Variants in LMAN2L observed in about 807,000 individuals in gnomAD.
LMAN2L encodes lectin, mannose binding 2 like.
In LMAN2L, 30 loss-of-function variants were observed where a neutral mutation model predicts 44.3. The observed-to-expected ratio is 0.68, with a 90% CI of 0.51 to 0.92. The LOEUF is 0.92. LMAN2L is among the 40% of genes least tolerant of loss of function. The pLI is 0.00. For missense variants in LMAN2L, 429 were observed against 446.1 expected, an observed-to-expected ratio of 0.96 and a Z score of 0.35; for synonymous variants, 183 against 171.1, an observed-to-expected ratio of 1.07 and a Z score of -0.54.
At chr2:96,734,686 AT>A in intron 2 of LMAN2L, 160 bp from the exon 3 acceptor site, 1 of 608,908 alleles carries the variant, frequency 1.6e-6, no homozygotes, top group South Asian at 2.0e-5. Flanking sequence ...ATGTCATAAA[AT>A]TAAACGGATT....
chr2:96,733,236 T>C lies in LMAN2L; in HGVS notation c.507+283A>G, dbSNP rs966779997. Among the ~76,000 whole-genome samples the C allele has an allele frequency of 1.4e-4, 21 of 152,124 alleles. 1 individual carries two copies. The highest frequency in any genetic ancestry group is 2.9e-4 in the Non-Finnish European group (20 of 68,018). On this transcript the variant is annotated intron_variant, in intron 4 of 7. Transcript: ENST00000264963. ...GCTGGTCTAGCAGCCAAATCACCAA[T>C]CAACCAAACATGCTCAATTTTAGTG...
At chr2:96,711,827 C>G in intron 5 of LMAN2L, 37 bp downstream of exon 5, 2 of 1,613,236 alleles carry the variant, frequency 1.2e-6, no homozygotes, top group South Asian at 1.1e-5. Context: ...AGCGACACAG[C>G]CCACACCACC....
In LMAN2L at chr2:96,738,004, T is replaced by C; in HGVS notation, c.251A>G (p.Tyr84Cys). 1.2e-6 allele frequency: 2 copies of C among 1,614,138 alleles called. No individual in the cohort carries two copies. The highest frequency in any genetic ancestry group is 1.7e-6 in the Non-Finnish European group (2 of 1,180,008). The change falls in exon 2 of 8, where the codon TAT (tyrosine) becomes TGT (cysteine). Residue 84 changes from tyrosine to cysteine, a missense_variant. By Grantham distance (194) the Tyr-to-Cys change is radical. Transcript: ENST00000264963. Reference sequence around the variant, plus strand: ...TTGCATATCTGGGGTAAGGCGGATATACTGGGTCATCACCATGGCATTGCC... The same window carrying C: ...TTGCATATCTGGGGTAAGGCGGATACACTGGGTCATCACCATGGCATTGCC... Reference protein sequence around the residue: ...LMGNAMVMTQYIRLTPDMQSK... With the variant: ...LMGNAMVMTQCIRLTPDMQSK...
rs780780890 is a variant in LMAN2L, at chr2:96,711,678, G to A, written c.762C>T (p.Ser254=). The change falls in exon 6 of 8, where the codon TCC becomes TCT. Residue 254 remains serine, a synonymous_variant. Coordinates refer to ENST00000264963, the MANE Select transcript of LMAN2L (RefSeq NM_030805.4). ...TACCTGAGAGATCCCCAGTGATGGA[G>A]GAGGTGCCGAAGTAGTAGCCGCGGG... ...RLPRGYYFGT[S]SITGDLSDNH... 25 of 1,613,374 alleles carry A rather than the reference G, an allele frequency of 1.5e-5. No individual in the cohort carries two copies. The Admixed American group carries it at 3.3e-4, about 22-fold the overall frequency.
chr2:96,726,849 C>G (rs914126751), intron 4 of LMAN2L, among the ~76,000 whole-genome samples: 2 of 151,922 alleles, frequency 1.3e-5, no homozygotes, highest in Non-Finnish European at 2.9e-5. Flanking sequence ...TTTGGGAGGT[C>G]GAGGCGGGCA....
intron 4 of LMAN2L, among the ~76,000 whole-genome samples, chr2:96,715,278 G>A (rs2078017427): frequency 6.6e-6 from 1 of 152,224 alleles, no homozygotes; most frequent in African/African-American, 2.4e-5. Context: ...AGGCTGTGAT[G>A]TGCAGCCAAA....
chr2:96,716,097 T>G (rs1436601085), intron 4 of LMAN2L, among the ~76,000 whole-genome samples: 1 of 152,210 alleles, frequency 6.6e-6, no homozygotes, highest in East Asian at 1.9e-4. Context: ...ACATACATCT[T>G]CTAAAGCACG....
At chr2:96,733,081 G>C (rs761005772) in intron 4 of LMAN2L, among the ~76,000 whole-genome samples, 33 of 152,242 alleles carry the variant, frequency 2.2e-4, no homozygotes, top group Admixed American at 1.2e-3. Flanking sequence ...GAGGAGAACT[G>C]TTCTTCAGGT....
At position 96,737,999 on chromosome 2, in the gene LMAN2L, G is replaced by C. The variant is rs577479262; in HGVS notation, c.256C>G (p.Arg86Gly). 1 of 1,613,996 alleles carries C rather than the reference G, an allele frequency of 6.2e-7. No individual in the cohort carries two copies. The highest frequency in any genetic ancestry group is 1.3e-5 in the African/African-American group (1 of 75,022). ...GNAMVMTQYI[R>G]LTPDMQSKQG... The stretch of plus-strand genomic sequence containing the variant: ...TTACTTTGCATATCTGGGGTAAGGC[G>C]GATATACTGGGTCATCACCATGGCA... Residue 86 changes from arginine to glycine, a missense_variant, in exon 2 of 8, where the codon CGC becomes GGC. Physicochemically the swap from Arg to Gly is moderately radical, Grantham distance 125. Coordinates refer to ENST00000264963, the MANE Select transcript of LMAN2L (RefSeq NM_030805.4).
intron 4 of LMAN2L, among the ~76,000 whole-genome samples, chr2:96,731,507 G>A (rs576736263): frequency 6.6e-5 from 10 of 152,074 alleles, no homozygotes; most frequent in African/African-American, 1.7e-4. Context: ...TTAGCTGGGC[G>A]TGGTGGCGTG....
At chr2:96,720,151 T>A (rs1445664826) in intron 4 of LMAN2L, among the ~76,000 whole-genome samples, 1 of 152,034 alleles carries the variant, frequency 6.6e-6, no homozygotes, top group Non-Finnish European at 1.5e-5. Flanking sequence ...ATGAGGAGTA[T>A]CTCAAAGTAT....
chr2:96,711,943 A>G lies in LMAN2L; in HGVS notation c.590T>C (p.Leu197Pro). Residue 197 changes from leucine (L) to proline (P), a missense_variant, in exon 5 of 8, where the codon CTG becomes CCG. Transcript: ENST00000264963. ...GCGGACAATGGCTGTGCAGCCTCCC[A>G]GCTCTGTAGGCCGCCCATCCCGCTC... is the stretch of plus-strand genomic sequence containing the variant. ...DHERDGRPTE[L>P]GGCTAIVRNL... The G allele has an allele frequency of 6.2e-7, 1 of 1,614,194 alleles. No homozygotes were observed. The highest frequency in any genetic ancestry group is 1.1e-5 in the South Asian group (1 of 91,082).
At chr2:96,722,108 T>C (rs1461815142) in intron 4 of LMAN2L, among the ~76,000 whole-genome samples, 2 of 151,882 alleles carry the variant, frequency 1.3e-5, no homozygotes, top group African/African-American at 2.4e-5. Flanking sequence ...GCTGGGACCA[T>C]AGGTGGCCGC....
chr2:96,711,566 T>C, intron 6 of LMAN2L, 90 bp downstream of exon 6: 2 of 845,344 alleles, frequency 2.4e-6, no homozygotes, highest in Admixed American at 2.0e-5. Context: ...GCACCGCTCC[T>C]CTGGCTCTCC....
At chr2:96,736,436 C>T (rs955778010) in intron 2 of LMAN2L, among the ~76,000 whole-genome samples, 4 of 152,008 alleles carry the variant, frequency 2.6e-5, no homozygotes, top group African/African-American at 9.7e-5. Context: ...ATACAGGTAT[C>T]AGAAGTCGAA....
intron 4 of LMAN2L, among the ~76,000 whole-genome samples, chr2:96,724,317 T>G (rs187693225): frequency 2.9e-4 from 44 of 152,268 alleles, no homozygotes; most frequent in African/African-American, 1.0e-3. Context: ...GTCCCTTGAA[T>G]TTCCATATGG....
intron 4 of LMAN2L, among the ~76,000 whole-genome samples, chr2:96,718,724 T>C (rs115697656): frequency 3.0e-4 from 45 of 152,282 alleles, no homozygotes; most frequent in African/African-American, 1.0e-3. Flanking sequence ...ACCCATCCTA[T>C]TTAAAGTGAA....
chr2:96,720,271 C>G (rs917944151), intron 4 of LMAN2L, among the ~76,000 whole-genome samples: 7 of 152,110 alleles, frequency 4.6e-5, no homozygotes, highest in Non-Finnish European at 7.3e-5. Context: ...AAGGCCAAGA[C>G]CGCAACGGTT....
chr2:96,730,841 A>T (rs146950220), intron 4 of LMAN2L, among the ~76,000 whole-genome samples: 8 of 152,038 alleles, frequency 5.3e-5, no homozygotes, highest in African/African-American at 1.9e-4. Flanking sequence ...CACCTGACTA[A>T]TTTTTGTATT....
Sources: gnomAD v4.1 joint callset for allele counts (sites outside exome capture counted in the v4.1 genomes callset) on GRCh38, gnomAD v4.1.1 for gene constraint, MANE v1.5 for transcripts, NCBI Gene and HGNC (gene_info 2026-07-23, HGNC 2026-07-21) for gene names.